EML5: variants seen among roughly 807,000 people sequenced by gnomAD.
The protein encoded by EML5 is EMAP like 5.
A neutral mutation model predicts 250.0 loss-of-function variants in EML5; 120 were observed. The observed-to-expected ratio is 0.48, with a 90% CI of 0.41 to 0.56. EML5 has a LOEUF of 0.56. EML5 is among the 20% of genes least tolerant of loss of function. The pLI, the probability that EML5 is intolerant of heterozygous loss-of-function variation, is 0.00. For missense variants in EML5, 2,006 were observed against 2,437.6 expected (o/e 0.82, Z 3.73); for synonymous variants, 771 against 806.5 (o/e 0.96, Z 0.75).
At chr14:88,713,011 G>C (rs746063069) in intron 9 of EML5, among the ~76,000 whole-genome samples, 1 of 152,130 alleles carries the variant, frequency 6.6e-6, no homozygotes, top group Non-Finnish European at 1.5e-5. Flanking sequence ...CTTTTGGGGA[G>C]ATGCATTAAT....
chr14:88,660,276 C>T (rs2092034557), intron 25 of EML5, among the ~76,000 whole-genome samples: 1 of 137,922 alleles, frequency 7.3e-6, no homozygotes, highest in African/African-American at 3.0e-5. Context: ...GAGAGAGACG[C>T]TGTCTTAAAA....
At chr14:88,679,061 T>G (rs1197906947) in intron 21 of EML5, among the ~76,000 whole-genome samples, 1 of 151,598 alleles carries the variant, frequency 6.6e-6, no homozygotes, top group Non-Finnish European at 1.5e-5. Flanking sequence ...AATCCTCTGC[T>G]TCCATCATCA....
At chr14:88,716,311 A>G (rs1016155012) in intron 8 of EML5, among the ~76,000 whole-genome samples, 4 of 152,146 alleles carry the variant, frequency 2.6e-5, no homozygotes, top group African/African-American at 9.7e-5. Context: ...CTTTTTTTTA[A>G]AGTTTCCCTG....
chr14:88,702,947 G>T (rs1300808458), intron 13 of EML5, among the ~76,000 whole-genome samples: 1 of 151,992 alleles, frequency 6.6e-6, no homozygotes, highest in Non-Finnish European at 1.5e-5. Context: ...TAGAGATGGG[G>T]TTTTGCCATG....
At chr14:88,663,887 C>A (rs2092218296) in intron 23 of EML5, among the ~76,000 whole-genome samples, 1 of 152,078 alleles carries the variant, frequency 6.6e-6, no homozygotes, top group Admixed American at 6.6e-5. Context: ...ATCAAGACAT[C>A]TTCACAACAA....
At chr14:88,644,611 T>C (rs920865321) in intron 29 of EML5, 100 bp from the exon 30 acceptor site, 40 of 1,041,124 alleles carry the variant, frequency 3.8e-5, no homozygotes, top group Non-Finnish European at 2.9e-5. Context: ...TGTCACACCT[T>C]CCCAAAGATG....
chr14:88,780,218 G>T (rs1420603897), intron 1 of EML5, among the ~76,000 whole-genome samples: 1 of 152,130 alleles, frequency 6.6e-6, no homozygotes, highest in Non-Finnish European at 1.5e-5. Flanking sequence ...CTCCCAAAGT[G>T]CTGAGATTAT....
In EML5 at chr14:88,740,542, G is replaced by C. The variant is rs761519632; in HGVS notation, c.556C>G (p.Pro186Ala). 5 of 1,611,474 alleles carry C rather than the reference G, an allele frequency of 3.1e-6. No homozygotes were observed. In the South Asian group the frequency reaches 3.3e-5, roughly 11 times the overall value. The change falls in exon 5 of 44, where the codon CCA becomes GCA. Residue 186 changes from proline to alanine, a missense_variant. By Grantham distance (27) the Pro-to-Ala change is conservative (BLOSUM62 -1). This residue lies in a region of EML5 where 1,375 missense variants were observed against 1,590.3 expected (regional missense o/e 0.86). Coordinates refer to ENST00000554922, the MANE Select transcript of EML5 (RefSeq NM_183387.3). Reference sequence around the variant, plus strand: ...GTCTTACCAAAGACACCTCGTTTTGGGGTCAGAGCATTTCCACATAAACTC... The same window carrying C: ...GTCTTACCAAAGACACCTCGTTTTGCGGTCAGAGCATTTCCACATAAACTC... Reference protein sequence around the residue: ...FWSLCGNALTPKRGVFGKTGD... With the variant: ...FWSLCGNALTAKRGVFGKTGD...
intron 21 of EML5, among the ~76,000 whole-genome samples, chr14:88,670,251 T>C (rs1298591717): frequency 1.5e-5 from 2 of 136,808 alleles, no homozygotes; most frequent in African/African-American, 5.7e-5. Context: ...ACCCAGGAAG[T>C]GGAGGTTGCA....
intron 34 of EML5, 121 bp from the exon 35 acceptor site, chr14:88,627,167 C>A: frequency 2.3e-6 from 2 of 885,394 alleles, no homozygotes; most frequent in East Asian, 4.9e-5. Context: ...GCCAATGGCC[C>A]CTGCTCTACT....
chr14:88,627,329 A>C, intron 34 of EML5: 1 of 465,070 alleles, frequency 2.2e-6, no homozygotes, highest in Non-Finnish European at 3.8e-6. Context: ...TTAGAAATAT[A>C]CATAATTTTC....
At position 88,740,537 on chromosome 14, in the gene EML5, T is replaced by C. The variant is rs1276825138; in HGVS notation, c.561A>G (p.Lys187=). The change falls in exon 5 of 44, where the codon AAA becomes AAG. Residue 187 remains lysine, a synonymous_variant. Transcript: ENST00000554922. ...CACCCGTCTTACCAAAGACACCTCG[T>C]TTTGGGGTCAGAGCATTTCCACATA... ...WSLCGNALTP[K]RGVFGKTGDL... 5.0e-6 allele frequency: 8 copies of C among 1,612,838 alleles called. No homozygotes were observed. Among genetic ancestry groups the C allele is most frequent in the Non-Finnish European group, 5.9e-6 (7 of 1,179,488 alleles).
At chr14:88,715,688 C>T (rs1472062034) in intron 8 of EML5, among the ~76,000 whole-genome samples, 3 of 148,286 alleles carry the variant, frequency 2.0e-5, no homozygotes, top group Non-Finnish European at 4.4e-5. Context: ...GACAGAGTCT[C>T]GCTCTGTTGC....
intron 32 of EML5, among the ~76,000 whole-genome samples, chr14:88,634,975 G>C (rs552922066): frequency 1.3e-5 from 2 of 152,196 alleles, no homozygotes; most frequent in South Asian, 4.2e-4. Context: ...TGAGCTGAGA[G>C]ACATGATGGC....
chr14:88,758,859 T>C (rs1291747697), intron 1 of EML5, among the ~76,000 whole-genome samples: 1 of 152,164 alleles, frequency 6.6e-6, no homozygotes, highest in African/African-American at 2.4e-5. Flanking sequence ...TGCTACAACA[T>C]GGATGAACCT....
chr14:88,687,115 C>G (rs183906888), intron 19 of EML5, 101 bp downstream of exon 19: 2 of 883,426 alleles, frequency 2.3e-6, no homozygotes, highest in Non-Finnish European at 3.5e-6. Flanking sequence ...CCCAACAAGA[C>G]GGAAAAATAC....
chr14:88,759,685 TA>T lies in EML5; in HGVS notation c.198-5015del, dbSNP rs58676323. 2.9e-3 allele frequency among the ~76,000 whole-genome samples: 268 copies of T among 92,910 alleles called. 4 individuals are homozygous for T. In the South Asian group the frequency reaches 0.038, roughly 13 times the overall value. The allele number at this position is 92,910 out of a possible 152,430, so 61.0% of individuals were successfully genotyped here. On this transcript the variant is annotated intron_variant, in intron 1 of 43. Coordinates refer to ENST00000554922, the MANE Select transcript of EML5 (RefSeq NM_183387.3). ...AGTGACAGGGCAAGTCACCATCTCT[TA>T]AAAAAAAAAAAAAAAAAACTGGGGA...
At chr14:88,770,564 G>A (rs1009165064) in intron 1 of EML5, among the ~76,000 whole-genome samples, 1 of 152,076 alleles carries the variant, frequency 6.6e-6, no homozygotes, top group African/African-American at 2.4e-5. Flanking sequence ...CAAGCAGCAG[G>A]ATTAATATTG....
chr14:88,733,347 T>G (rs1310108862), intron 7 of EML5, among the ~76,000 whole-genome samples: 1 of 152,226 alleles, frequency 6.6e-6, no homozygotes, highest in African/African-American at 2.4e-5. Flanking sequence ...TAAATGCCCA[T>G]TTTCTTTCAC....
Sources: allele counts gnomAD v4.1 joint callset (sites outside exome capture counted in the v4.1 genomes callset), GRCh38; gene constraint gnomAD v4.1.1; regional missense constraint gnomAD v4.1.1; transcripts MANE v1.5; gene names NCBI Gene and HGNC (gene_info 2026-07-23, HGNC 2026-07-21).